CCDC171: variants seen among roughly 807,000 people sequenced by gnomAD.
CCDC171 encodes the protein coiled-coil domain containing 171.
CCDC171 carries 177 observed loss-of-function variants against 168.2 expected under a neutral mutation model. The ratio of observed to expected loss-of-function variants is 1.05; its 90% CI spans 0.93 to 1.19. CCDC171 has a LOEUF of 1.19. Among genes scored for constraint, CCDC171 ranks in the 50% most tolerant of loss-of-function variants. The pLI is 0.00. For synonymous variants in CCDC171, 687 were observed against 540.8 expected, an observed-to-expected ratio of 1.27 and a Z score of -3.75; for missense variants, 1,991 against 1,539.0, an observed-to-expected ratio of 1.29 and a Z score of -4.91.
chr9:15,726,053 T>G (rs2053779638), intron 14 of CCDC171, among the ~76,000 whole-genome samples: 2 of 152,218 alleles, frequency 1.3e-5, no homozygotes, highest in Non-Finnish European at 2.9e-5. Context: ...TAAGTCATCC[T>G]GCATATTGAG....
intron 21 of CCDC171, among the ~76,000 whole-genome samples, chr9:15,840,678 C>G (rs1354534455): frequency 6.6e-6 from 1 of 152,092 alleles, no homozygotes; most frequent in Non-Finnish European, 1.5e-5. Context: ...GCTTACATGT[C>G]GTGTGTCACA....
intron 2 of CCDC171, among the ~76,000 whole-genome samples, chr9:15,565,261 A>G (rs569036158): frequency 6.6e-6 from 1 of 151,960 alleles, no homozygotes; most frequent in South Asian, 2.1e-4. Context: ...GCTAATTTTA[A>G]ATATGTATTT....
At chr9:15,722,965 ATTG>A (rs897321806) in intron 12 of CCDC171, among the ~76,000 whole-genome samples, 1 of 152,140 alleles carries the variant, frequency 6.6e-6, no homozygotes, top group African/African-American at 2.4e-5. Flanking sequence ...CCCACAGCGA[ATTG>A]TTATTTGGGA....
intron 6 of CCDC171, among the ~76,000 whole-genome samples, chr9:15,607,243 T>C (rs956558270): frequency 2.6e-5 from 4 of 152,202 alleles, no homozygotes; most frequent in Non-Finnish European, 4.4e-5. Flanking sequence ...TTACTGGAAC[T>C]GGAAACAAAC....
chr9:15,891,278 G>C (rs1288900879), intron 24 of CCDC171, among the ~76,000 whole-genome samples: 2 of 152,164 alleles, frequency 1.3e-5, no homozygotes, highest in Non-Finnish European at 2.9e-5. Context: ...CTGAGGAGCT[G>C]TTTGTTTCAA....
At chr9:15,809,348 A>T (rs1387919801) in intron 21 of CCDC171, among the ~76,000 whole-genome samples, 1 of 152,216 alleles carries the variant, frequency 6.6e-6, no homozygotes, top group Non-Finnish European at 1.5e-5. Flanking sequence ...TTAAAATGAA[A>T]TGAGATAATA....
chr9:16,088,893 G>A, the CCDC171 span, among the ~76,000 whole-genome samples: 55 of 152,108 alleles, frequency 3.6e-4, no homozygotes, highest in East Asian at 4.2e-3. Context: ...AACAGAGCCC[G>A]TATAGCCAAG....
intron 25 of CCDC171, among the ~76,000 whole-genome samples, chr9:15,946,077 C>A (rs1828338967): frequency 6.6e-6 from 1 of 151,958 alleles, no homozygotes; most frequent in East Asian, 2.0e-4. Context: ...AGGAAGGGAT[C>A]CAGTTTCAGC....
chr9:15,834,843 A>G (rs1208503851), intron 21 of CCDC171, among the ~76,000 whole-genome samples: 1 of 152,250 alleles, frequency 6.6e-6, no homozygotes, highest in Non-Finnish European at 1.5e-5. Context: ...TAGATGAAAC[A>G]GGATGCTACT....
intron 21 of CCDC171, among the ~76,000 whole-genome samples, chr9:15,825,853 GA>G (rs550224180): frequency 1.2e-3 from 183 of 152,298 alleles, no homozygotes; most frequent in Admixed American, 2.3e-3. Context: ...ATTGGTGGTA[GA>G]GGGGCACCAA....
intron 25 of CCDC171, among the ~76,000 whole-genome samples, chr9:15,929,660 C>T (rs574932114): frequency 6.6e-6 from 1 of 151,902 alleles, no homozygotes; most frequent in East Asian, 1.9e-4. Context: ...TGACCATTTC[C>T]CTGGGCTATT....
Position 15,918,769 on chromosome 9 carries a change from G to T in CCDC171, c.3601-1501G>T, listed in dbSNP as rs377462807. 1.8e-4 allele frequency among the ~76,000 whole-genome samples: 27 copies of T among 151,404 alleles called. No homozygotes were observed. In the East Asian group the frequency reaches 4.9e-3, roughly 27 times the overall value. On this transcript the variant is annotated intron_variant, in intron 24 of 25. Coordinates refer to ENST00000380701, the MANE Select transcript of CCDC171 (RefSeq NM_173550.4). ...TTATGCTTCTGCTTTTTTTCAACTT[G>T]AACAGAGTATTATTAATAATTTATT...
At chr9:15,892,578 T>C (rs1820364076) in intron 24 of CCDC171, among the ~76,000 whole-genome samples, 5 of 152,136 alleles carry the variant, frequency 3.3e-5, no homozygotes, top group Admixed American at 2.6e-4. Context: ...GACCAAACCT[T>C]CTTAAGCAAC....
At chr9:15,899,348 A>G (rs1459519204) in intron 24 of CCDC171, among the ~76,000 whole-genome samples, 1 of 128,126 alleles carries the variant, frequency 7.8e-6, no homozygotes, top group East Asian at 2.1e-4. Context: ...TTCTAGGATA[A>G]GTACTGAGGA....
intron 18 of CCDC171, among the ~76,000 whole-genome samples, chr9:15,768,635 C>T (rs939183674): frequency 6.6e-6 from 1 of 152,170 alleles, no homozygotes; most frequent in Non-Finnish European, 1.5e-5. Context: ...ATTTAAACCT[C>T]ATGTAATCTC....
At chr9:15,596,216 G>C (rs1327598283) in intron 6 of CCDC171, among the ~76,000 whole-genome samples, 1 of 151,984 alleles carries the variant, frequency 6.6e-6, no homozygotes, top group South Asian at 2.1e-4. Flanking sequence ...TGAAGTCCTT[G>C]CCCATGCCTA....
At chr9:15,905,844 A>G (rs1822500984) in intron 24 of CCDC171, among the ~76,000 whole-genome samples, 1 of 152,220 alleles carries the variant, frequency 6.6e-6, no homozygotes, top group South Asian at 2.1e-4. Context: ...AGGGGATATC[A>G]CCACCAATCC....
At chr9:15,684,153 A>G (rs2133529814) in intron 10 of CCDC171, among the ~76,000 whole-genome samples, 1 of 152,242 alleles carries the variant, frequency 6.6e-6, no homozygotes, top group Admixed American at 6.5e-5. Flanking sequence ...CTGTGAGGGT[A>G]AAAGTATGTA....
intron 15 of CCDC171, among the ~76,000 whole-genome samples, chr9:15,728,493 T>C (rs1384249504): frequency 2.0e-5 from 3 of 152,166 alleles, no homozygotes; most frequent in Non-Finnish European, 4.4e-5. Context: ...ACATTTTAAA[T>C]TATATGCTTA....
Sources: allele counts gnomAD v4.1 joint callset (sites outside exome capture counted in the v4.1 genomes callset), GRCh38; gene constraint gnomAD v4.1.1; transcripts MANE v1.5; gene names NCBI Gene and HGNC (gene_info 2026-07-23, HGNC 2026-07-21).